Variants in MIA2 observed in about 807,000 individuals in gnomAD.
The protein encoded by MIA2 is MIA SH3 domain ER export factor 2.
In MIA2, 127 loss-of-function variants were observed where a neutral mutation model predicts 167.8. The observed-to-expected ratio is 0.76, with a 90% confidence interval of 0.66 to 0.88. The LOEUF (loss-of-function observed/expected upper bound fraction) is 0.88. MIA2 is among the 40% of genes least tolerant of loss of function. The pLI is 0.00. For missense variants in MIA2, 1,690 were observed against 1,624.7 expected (o/e 1.04, Z -0.69); for synonymous variants, 552 against 541.9 (o/e 1.02, Z -0.26).
intron 10 of MIA2, among the ~76,000 whole-genome samples, chr14:39,292,287 G>A (rs2060838958): frequency 6.6e-6 from 1 of 152,062 alleles, no homozygotes; most frequent in Non-Finnish European, 1.5e-5. Flanking sequence ...TAATACTGAG[G>A]ATAAAATATT....
chr14:39,297,073 G>A (rs938026236), intron 13 of MIA2, among the ~76,000 whole-genome samples: 1 of 151,624 alleles, frequency 6.6e-6, no homozygotes, highest in African/African-American at 2.4e-5. Flanking sequence ...CACCACGCCC[G>A]GCTATTGGTG....
Position 39,255,903 on chromosome 14 carries a change from T to C in MIA2, c.1887+2732T>C, listed in dbSNP as rs372927299. Among the ~76,000 whole-genome samples, 334 of 152,370 alleles carry C rather than the reference T, an allele frequency of 2.2e-3. 1 individual carries two copies. The highest frequency in any genetic ancestry group is 5.5e-3 in the African/African-American group (227 of 41,592). ...TAAATTTATGTTAATTATCTTGTGATCTTGGAAAGTCACTTATTGTCTGGG... is the reference window on the plus strand; with the variant it reads ...TAAATTTATGTTAATTATCTTGTGACCTTGGAAAGTCACTTATTGTCTGGG... On this transcript the variant is annotated intron_variant, in intron 6 of 28. Transcript: ENST00000640607.
At chr14:39,259,002 T>C (rs2054946251) in intron 6 of MIA2, among the ~76,000 whole-genome samples, 1 of 152,232 alleles carries the variant, frequency 6.6e-6, no homozygotes, top group African/African-American at 2.4e-5. Context: ...CTCTCCTGTA[T>C]GAGGTGTCTG....
intron 6 of MIA2, chr14:39,266,736 C>G (rs956276098): frequency 1.0e-6 from 1 of 985,152 alleles, no homozygotes; most frequent in African/African-American, 1.7e-5. Flanking sequence ...TCCCGGGGTA[C>G]GCCGCCGTCA....
chr14:39,290,151 T>C (rs1457458342), intron 9 of MIA2, among the ~76,000 whole-genome samples: 2 of 152,184 alleles, frequency 1.3e-5, no homozygotes, highest in Non-Finnish European at 2.9e-5. Context: ...GAACTCCAAG[T>C]GTTTTTTCTC....
chr14:39,294,431 C>G (rs1407860445), intron 12 of MIA2, among the ~76,000 whole-genome samples: 2 of 151,940 alleles, frequency 1.3e-5, no homozygotes, highest in Admixed American at 1.3e-4. Flanking sequence ...CTCCTGAGCT[C>G]AAGTGATCGG....
chr14:39,279,306 T>C, intron 7 of MIA2, 31 bp from the exon 8 acceptor site: 1 of 1,579,064 alleles, frequency 6.3e-7, no homozygotes, highest in Non-Finnish European at 8.6e-7. Flanking sequence ...GTATTTGTTT[T>C]AATGTAATTT....
chr14:39,324,621 T>A (rs576007665), intron 24 of MIA2, among the ~76,000 whole-genome samples: 22 of 152,102 alleles, frequency 1.4e-4, no homozygotes, highest in East Asian at 1.2e-3. Context: ...TTTATTTTTT[T>A]TTTTTGAGAT....
At chr14:39,359,844 C>T (rs934139529) in intron 23 of MIA2, among the ~76,000 whole-genome samples, 3 of 152,132 alleles carry the variant, frequency 2.0e-5, no homozygotes, top group Non-Finnish European at 2.9e-5. Context: ...TTTATAAAGA[C>T]CCAGTTAATG....
chr14:39,360,071 T>TGGGAGGCTGAGGATGAGCTC (rs1312212215), intron 23 of MIA2, among the ~76,000 whole-genome samples: 2 of 151,328 alleles, frequency 1.3e-5, no homozygotes, highest in African/African-American at 2.4e-5. Context: ...CCCAGCACTT[T>TGGGAGGCTGAGGATGAGCTC]GGGAGGCTGA....
chr14:39,379,844 T>C lies in MIA2; in HGVS notation c.2249-7041T>C, dbSNP rs376741985. 4.6e-5 allele frequency among the ~76,000 whole-genome samples: 7 copies of C among 152,014 alleles called. No individual in the cohort carries two copies. In the East Asian group the frequency reaches 1.4e-3, roughly 30 times the overall value. On this transcript the variant is annotated intron_variant, in intron 23 of 23. Transcript: ENST00000341502. ...TAGCCTGGGCAACAGAGCAAGACTA[T>C]GTCTCAAAAAAAACCCAAAAACCTT...
At position 39,299,972 on chromosome 14, in the gene MIA2, G is replaced by C. The variant is rs776771675; in HGVS notation, c.2605G>C (p.Glu869Gln). Residue 869 changes from glutamate (E) to glutamine (Q), a missense_variant, in exon 14 of 29, where the codon GAA becomes CAA. Physicochemically the swap from Glu to Gln is conservative, Grantham distance 29. Transcript: ENST00000640607. ...TGCAGAACAAGTTCTAAATGATAAA[G>C]AAAGTCACATCAAGGTAAATGGCTC... ...VHAEQVLNDKESHIKTLTERL... is the reference protein window; with the variant it reads ...VHAEQVLNDKQSHIKTLTERL... 3.1e-6 allele frequency: 5 copies of C among 1,596,550 alleles called. No individual in the cohort carries two copies. Among genetic ancestry groups the C allele is most frequent in the Middle Eastern group, 1.7e-4 (1 of 6,018 alleles).
intron 23 of MIA2, among the ~76,000 whole-genome samples, chr14:39,367,758 C>T (rs936940419): frequency 6.6e-6 from 1 of 152,166 alleles, no homozygotes; most frequent in Admixed American, 6.5e-5. Context: ...AGGCAAATGT[C>T]AGATGCCTCT....
At chr14:39,293,008 G>A (rs1215389642) in intron 10 of MIA2, among the ~76,000 whole-genome samples, 2 of 152,056 alleles carry the variant, frequency 1.3e-5, no homozygotes, top group Non-Finnish European at 2.9e-5. Context: ...TGTAGGTATT[G>A]CTTTTGTTTC....
chr14:39,288,489 T>TTG (rs1566749502), intron 9 of MIA2, among the ~76,000 whole-genome samples: 5 of 106,318 alleles, frequency 4.7e-5, no homozygotes, highest in African/African-American at 6.8e-5. Flanking sequence ...TTTTTTTTTT[T>TTG]TTTGAGACGG....
chr14:39,361,488 G>C lies in MIA2; in HGVS notation c.2248+12511G>C, dbSNP rs370189282. 1.7e-4 allele frequency among the ~76,000 whole-genome samples: 25 copies of C among 150,752 alleles called. No homozygotes were observed. The South Asian group carries it at 5.3e-3, about 32-fold the overall frequency. On this transcript the variant is annotated intron_variant, in intron 23 of 23. Coordinates refer to the MIA2 transcript ENST00000341502. ...AGTTTCGCTCTTGTTGCCCAAGCTG[G>C]AGTGCAATGACACCATCTCGGCTCA...
In MIA2 at chr14:39,350,466, CTA is replaced by C. The variant is rs1255802144; in HGVS notation, c.*204_*205del. 4 of 419,696 alleles carry C rather than the reference CTA, an allele frequency of 9.5e-6. No homozygotes were observed. The highest frequency in any genetic ancestry group is 6.2e-5 in the African/African-American group (3 of 48,500). 26.0% of individuals were successfully genotyped at this position (419,696 alleles called of 1,614,324 possible). On this transcript the variant is annotated 3_prime_UTR_variant, in exon 29 of 29. Transcript: ENST00000640607. ...TTCAATTTTATTTTAGACGGTATAACTATTTCAATTTGATTAATCCACTATTA... is the reference window on the plus strand; with the variant it reads ...TTCAATTTTATTTTAGACGGTATAACTTTCAATTTGATTAATCCACTATTA...
chr14:39,289,787 A>G (rs2060477870), intron 9 of MIA2, among the ~76,000 whole-genome samples: 3 of 152,128 alleles, frequency 2.0e-5, no homozygotes. Flanking sequence ...CCAGCCTTAA[A>G]ACCAATCTTG....
chr14:39,288,553 C>T (rs1486180507), intron 9 of MIA2, among the ~76,000 whole-genome samples: 1 of 145,784 alleles, frequency 6.9e-6, no homozygotes, highest in Non-Finnish European at 1.5e-5. Flanking sequence ...CAGCACACTG[C>T]AACCTCCGCC....
Sources: allele counts gnomAD v4.1 joint callset (sites outside exome capture counted in the v4.1 genomes callset), GRCh38; gene constraint gnomAD v4.1.1; transcripts MANE v1.5; gene names NCBI Gene and HGNC (gene_info 2026-07-23, HGNC 2026-07-21).